The following ULK1 variants were observed in gnomAD, a reference collection of about 807,000 sequenced individuals.
ULK1 encodes the protein serine/threonine-protein kinase ULK1.
A neutral mutation model predicts 117.5 loss-of-function variants in ULK1; 48 were observed. The observed-to-expected ratio is 0.41, with a 90% confidence interval of 0.32 to 0.52. The LOEUF is 0.52. ULK1 is among the 20% of genes least tolerant of loss of function. The pLI, the probability that ULK1 is intolerant of heterozygous loss-of-function variation, is 0.29. For synonymous variants in ULK1, 790 were observed against 637.8 expected, an observed-to-expected ratio of 1.24 and a Z score of -3.60; for missense variants, 1,387 against 1,473.4, an observed-to-expected ratio of 0.94 and a Z score of 0.96.
In ULK1 at chr12:131,916,546, G is replaced by A; in HGVS notation, c.2027G>A (p.Gly676Asp). 2 of 1,605,880 alleles carry A rather than the reference G, an allele frequency of 1.2e-6. No individual in the cohort carries two copies. Among genetic ancestry groups the A allele is most frequent in the South Asian group, 2.2e-5 (2 of 90,888 alleles). Residue 676 changes from glycine to aspartate, a missense_variant, in exon 20 of 28, where the codon GGC (glycine) becomes GAC (aspartate). This residue lies in a region of ULK1 where 900 missense variants were observed against 858.9 expected (regional missense o/e 1.05). Coordinates refer to ENST00000321867, the MANE Select transcript of ULK1 (RefSeq NM_003565.4). ...EVGPFHGQPL[G>D]PGLRPGEDPK... ...GGACCCTTCCATGGTCAGCCGTTGG[G>A]CCCTGGCCTGCGGCCAGGCGAGGAC...
At position 131,921,481 on chromosome 12, in the gene ULK1, G is replaced by C; in HGVS notation, c.*120G>C. 1 of 1,474,286 alleles carries C rather than the reference G, an allele frequency of 6.8e-7. No individual in the cohort carries two copies. The highest frequency in any genetic ancestry group is 9.3e-7 in the Non-Finnish European group (1 of 1,076,198). The allele number at this position is 1,474,286 out of a possible 1,614,324, so 91.3% of individuals were successfully genotyped here. ...ATCGCTGGTGCTGAGCCCTGCCCTG[G>C]GCCCCACGGACAGTCAGCCTGCCGG... On this transcript the variant is annotated 3_prime_UTR_variant, in exon 28 of 28. Coordinates refer to ENST00000321867, the MANE Select transcript of ULK1 (RefSeq NM_003565.4).
chr12:131,894,894 CCCCCGGCCCCGCGCCCCCGGCCCGCCCG>C lies in ULK1; in HGVS notation c.-98_-71del. On this transcript the variant is annotated 5_prime_UTR_variant, in exon 1 of 28. It removes the in-frame stop codon of an upstream open reading frame in the 5' UTR. Transcript: ENST00000321867. Reference sequence around the variant, plus strand: ...AGATGCGCCCTCGCCCGGCCCCGCGCCCCCGGCCCCGCGCCCCCGGCCCGCCCGCCCCGGCCCGCGCCTCCGCCTGAGT... The same window carrying C: ...AGATGCGCCCTCGCCCGGCCCCGCGCCCCCGGCCCGCGCCTCCGCCTGAGT... 1 of 264,792 alleles carries C rather than the reference CCCCCGGCCCCGCGCCCCCGGCCCGCCCG, an allele frequency of 3.8e-6. No individual in the cohort carries two copies. The highest frequency in any genetic ancestry group is 5.7e-6 in the Non-Finnish European group (1 of 175,908). 16.4% of individuals were successfully genotyped at this position (264,792 alleles called of 1,614,324 possible). A position where few individuals can be genotyped will look rare whatever the true frequency, so the allele number is the denominator to read the frequency against.
At chr12:131,895,975 G>A (rs917475218) in intron 3 of ULK1, 151 bp downstream of exon 3, 1 of 993,048 alleles carries the variant, frequency 1.0e-6, no homozygotes, top group Non-Finnish European at 1.5e-6. Context: ...GGCCTGGGCT[G>A]GTGCTGGCTC....
chr12:131,904,044 G>A (rs1415102850), intron 3 of ULK1, among the ~76,000 whole-genome samples: 1 of 152,110 alleles, frequency 6.6e-6, no homozygotes, highest in East Asian at 1.9e-4. Context: ...GGGGTGTTGG[G>A]GACCCTGGCT....
chr12:131,918,864 G>C (rs1377310094), intron 23 of ULK1, among the ~76,000 whole-genome samples, 183 bp downstream of exon 23: 2 of 51,450 alleles, frequency 3.9e-5, no homozygotes, highest in African/African-American at 4.4e-5. Context: ...GGGGTGTCGG[G>C]TGTGTGGGGT....
Position 131,909,236 on chromosome 12 carries a change from A to G in ULK1, c.665A>G (p.Gln222Arg). 6.3e-7 allele frequency: 1 copy of G among 1,591,954 alleles called. No homozygotes were observed. The highest frequency in any genetic ancestry group is 8.5e-7 in the Non-Finnish European group (1 of 1,170,216). ...YQCLTGKAPF[Q>R]ASSPQDLRLF... is the part of the protein sequence containing the mutation. ...TGCCTGACGGGGAAGGCGCCCTTCC[A>G]GGTAACTGGGCTTGGCCCTGCTCCC... The change falls in exon 8 of 28, where the codon CAG (glutamine) becomes CGG (arginine). Residue 222 changes from glutamine to arginine, a missense_variant and splice_region_variant. Gln to Arg is a conservative substitution (Grantham distance 43, BLOSUM62 1). This residue lies in a region of ULK1 where 224 missense variants were observed against 325.2 expected (regional missense o/e 0.69). Coordinates refer to ENST00000321867, the MANE Select transcript of ULK1 (RefSeq NM_003565.4).
chr12:131,917,560 G>C lies in ULK1; in HGVS notation c.2326+6G>C, dbSNP rs370270341. On this transcript the variant is annotated splice_donor_region_variant and intron_variant, in intron 22 of 27. Coordinates refer to ENST00000321867, the MANE Select transcript of ULK1 (RefSeq NM_003565.4). The stretch of plus-strand genomic sequence containing the variant: ...CCGCACCAGGATGTTCTCAGGTGAG[G>C]GCTGGCTAGGCTGAAGCCCTGTCCC... 1 of 1,412,786 alleles carries C rather than the reference G, an allele frequency of 7.1e-7. No homozygotes were observed. The highest frequency in any genetic ancestry group is 1.5e-5 in the African/African-American group (1 of 67,450). The allele number at this position is 1,412,786 out of a possible 1,614,324, so 87.5% of individuals were successfully genotyped here.
intron 22 of ULK1, 157 bp from the exon 23 acceptor site, chr12:131,918,340 G>T (rs1271935217): frequency 1.0e-5 from 9 of 887,712 alleles, no homozygotes; most frequent in Middle Eastern, 2.3e-4. Context: ...GGCTCTAGGG[G>T]CCTGCTGTGC....
intron 20 of ULK1, 35 bp from the exon 21 acceptor site, chr12:131,916,918 C>T: frequency 1.3e-6 from 2 of 1,566,526 alleles, no homozygotes; most frequent in Non-Finnish European, 1.7e-6. Flanking sequence ...GTGGGGTGGG[C>T]CGGGCACCCA....
In ULK1 at chr12:131,921,092, G is replaced by A. The variant is rs373871316; in HGVS notation, c.2962-8G>A. On this transcript the variant is annotated splice_polypyrimidine_tract_variant and splice_region_variant and intron_variant, in intron 26 of 27. Coordinates refer to ENST00000321867, the MANE Select transcript of ULK1 (RefSeq NM_003565.4). ...CTGGCCCTGTCCAGCCTCTGTCCTCGCCCCCAGGTGCAGTCGGCTGCCCTG... is the reference window on the plus strand; with the variant it reads ...CTGGCCCTGTCCAGCCTCTGTCCTCACCCCCAGGTGCAGTCGGCTGCCCTG... 79 of 1,583,926 alleles carry A rather than the reference G, an allele frequency of 5.0e-5. No individual in the cohort carries two copies. Among genetic ancestry groups the A allele is most frequent in the Non-Finnish European group, 6.1e-5 (71 of 1,169,044 alleles).
At chr12:131,916,348 C>G in intron 19 of ULK1, 50 bp from the exon 20 acceptor site, 1 of 1,527,014 alleles carries the variant, frequency 6.5e-7, no homozygotes, top group Non-Finnish European at 8.8e-7. Flanking sequence ...CACCGGGCCC[C>G]AGGGCTGCAG....
In ULK1 at chr12:131,909,800, T is replaced by A. The variant is rs1348287363; in HGVS notation, c.692T>A (p.Leu231Gln). 1 of 1,610,968 alleles carries A rather than the reference T, an allele frequency of 6.2e-7. No individual in the cohort carries two copies. Reference protein sequence around the residue: ...FQASSPQDLRLFYEKNKTLVP... With the variant: ...FQASSPQDLRQFYEKNKTLVP... ...GCCAGCAGCCCCCAGGACCTGCGCC[T>A]GTTCTACGAGAAGAACAAGACGTTG... is the stretch of plus-strand genomic sequence containing the variant. The change falls in exon 9 of 28, where the codon CTG becomes CAG. Residue 231 changes from leucine (L) to glutamine (Q), a missense_variant. By Grantham distance (113) the Leu-to-Gln change is moderately radical. Around this residue, in one of 4 missense-constraint regions of ULK1, gnomAD observed 260 missense variants for 271.6 expected, o/e 0.96. Transcript: ENST00000321867.
At position 131,902,904 on chromosome 12, in the gene ULK1, C is replaced by T. The variant is rs989243543; in HGVS notation, c.247-3988C>T. On this transcript the variant is annotated intron_variant, in intron 3 of 27. Coordinates refer to ENST00000321867, the MANE Select transcript of ULK1 (RefSeq NM_003565.4). This position sits in a 1 kb window ranked among gnomAD's most constrained non-coding sequence, Gnocchi z 6.3. ...TGGGTGACTTGATTCTGGGAGCTTG[C>T]CCGGTCCCCACTGCCCAGGGTAGCT... is the stretch of plus-strand genomic sequence containing the variant. 6.6e-6 allele frequency among the ~76,000 whole-genome samples: 1 copy of T among 152,164 alleles called. No homozygotes were observed. Among genetic ancestry groups the T allele is most frequent in the African/African-American group, 2.4e-5 (1 of 41,440 alleles).
Position 131,916,051 on chromosome 12 carries a change from C to G in ULK1, c.1770C>G (p.Pro590=), listed in dbSNP as rs147860758. The change falls in exon 19 of 28, where the codon CCC becomes CCG. Residue 590 remains proline (P), a synonymous_variant. Coordinates refer to ENST00000321867, the MANE Select transcript of ULK1 (RefSeq NM_003565.4). ...TCAGCCCACCACAGGCCAGCCCTCC[C>G]CAGCCGTCCCACGGCCTGCAGTCCT... The part of the protein sequence containing the change: ...AVFSPPQASP[P]QPSHGLQSCR... The G allele has an allele frequency of 8.7e-6, 14 of 1,612,352 alleles. No homozygotes were observed. The highest frequency in any genetic ancestry group is 1.0e-5 in the Non-Finnish European group (12 of 1,179,818).
chr12:131,917,448 A>G lies in ULK1; in HGVS notation c.2220A>G (p.Gly740=), dbSNP rs1167727003. The change falls in exon 22 of 28, where the codon GGA becomes GGG. Residue 740 remains glycine, a synonymous_variant. Transcript: ENST00000321867. ...SAGFGGSLHP[G]ARAGGTSSPS... ...GCTTTGGAGGGAGCCTGCACCCAGG[A>G]GCCCGTGCTGGGGGCACCAGCAGCC... The G allele has an allele frequency of 1.3e-6, 2 of 1,540,740 alleles. No homozygotes were observed. Among genetic ancestry groups the G allele is most frequent in the South Asian group, 1.2e-5 (1 of 82,876 alleles).
chr12:131,907,611 G>A, intron 5 of ULK1, 80 bp downstream of exon 5: 1 of 1,529,506 alleles, frequency 6.5e-7, no homozygotes, highest in Non-Finnish European at 8.8e-7. Flanking sequence ...CCCAGTCTGG[G>A]AGGCAGCCTG....
At chr12:131,908,507 C>T in intron 5 of ULK1, 137 bp from the exon 6 acceptor site, 1 of 1,123,198 alleles carries the variant, frequency 8.9e-7, no homozygotes, top group Non-Finnish European at 1.2e-6. Flanking sequence ...TGTGCCCCTC[C>T]TGACCCGGGG....
intron 11 of ULK1, 99 bp downstream of exon 11, chr12:131,910,403 G>A: frequency 1.3e-6 from 2 of 1,541,202 alleles, no homozygotes; most frequent in Non-Finnish European, 1.8e-6. Flanking sequence ...GAGGGAGCAG[G>A]TCTTGAGCTG....
At chr12:131,917,755 CAG>C (rs1336725687) in intron 22 of ULK1, among the ~76,000 whole-genome samples, 1 of 152,204 alleles carries the variant, frequency 6.6e-6, no homozygotes, top group Non-Finnish European at 1.5e-5. Context: ...ATCCACCCCT[CAG>C]ACCACCCCTG....
Sources: gnomAD v4.1 joint callset for allele counts (sites outside exome capture counted in the v4.1 genomes callset) on GRCh38, gnomAD v4.1.1 for gene constraint, gnomAD v4.1.1 regional missense constraint, Gnocchi (gnomAD v3.1) non-coding constraint, MANE v1.5 for transcripts, NCBI Gene and HGNC (gene_info 2026-07-23, HGNC 2026-07-21) for gene names.